Variants in ANK2 observed in about 807,000 individuals in gnomAD.
ANK2 encodes ankyrin-2.
Under a neutral mutation model 360.5 loss-of-function variants are expected in ANK2, and 83 were observed. That is an observed-to-expected ratio of 0.23 (90% CI 0.19 to 0.28). The LOEUF is 0.28. ANK2 is among the 10% of genes least tolerant of loss of function. ANK2 has a pLI of 1.00. For synonymous variants in ANK2, 1,740 were observed against 1,759.5 expected, an observed-to-expected ratio of 0.99 and a Z score of 0.28; for missense variants, 4,201 against 4,795.7, an observed-to-expected ratio of 0.88 and a Z score of 3.66.
intron 1 of ANK2, among the ~76,000 whole-genome samples, chr4:113,097,830 T>TAG: frequency 1.1e-5 from 1 of 94,270 alleles, no homozygotes; most frequent in South Asian, 3.4e-4. Flanking sequence ...AATTTTCCTC[T>TAG]TGTATATATA....
At chr4:113,148,625 GTAA>G (rs2096922827) in intron 1 of ANK2, among the ~76,000 whole-genome samples, 1 of 152,166 alleles carries the variant, frequency 6.6e-6, no homozygotes, top group African/African-American at 2.4e-5. Context: ...GACTCAAAAG[GTAA>G]TAAGTCAATC....
chr4:113,292,610 C>T (rs1587409470), intron 21 of ANK2, 96 bp downstream of exon 21: 3 of 1,296,386 alleles, frequency 2.3e-6, no homozygotes, highest in African/African-American at 1.5e-5. Flanking sequence ...CAGATTCCTC[C>T]TCTTTAAATA....
chr4:113,027,902 T>C (rs1334646428), intron 2 of ANK2, among the ~76,000 whole-genome samples: 3 of 152,170 alleles, frequency 2.0e-5, no homozygotes, highest in Admixed American at 2.0e-4. Flanking sequence ...TATCAGGTTA[T>C]GTAACATGGT....
At chr4:113,099,759 C>A (rs2092478753) in intron 1 of ANK2, among the ~76,000 whole-genome samples, 1 of 151,968 alleles carries the variant, frequency 6.6e-6, no homozygotes, top group Non-Finnish European at 1.5e-5. Flanking sequence ...CAGTGTGGTA[C>A]TGGTGAAAGA....
chr4:113,150,027 C>T (rs890935825), intron 1 of ANK2, among the ~76,000 whole-genome samples: 7 of 151,716 alleles, frequency 4.6e-5, no homozygotes, highest in Admixed American at 3.3e-4. Flanking sequence ...ACTGGCTGCA[C>T]GAGTGTTGAA....
At chr4:112,944,918 A>T (rs2094455989) in intron 2 of ANK2, among the ~76,000 whole-genome samples, 2 of 152,196 alleles carry the variant, frequency 1.3e-5, no homozygotes, top group African/African-American at 4.8e-5. Context: ...TGTCATATTG[A>T]CAGTTGACTT....
intron 4 of ANK2, among the ~76,000 whole-genome samples, chr4:113,228,545 A>G (rs1331340308): frequency 6.6e-6 from 1 of 152,212 alleles, no homozygotes. Flanking sequence ...GTATTAGTAC[A>G]TGGTATATAT....
chr4:112,746,282 C>T, the ANK2 span, among the ~76,000 whole-genome samples: 4 of 151,958 alleles, frequency 2.6e-5, no homozygotes, highest in Admixed American at 2.0e-4. Context: ...TGTTTAATTT[C>T]TATTAAAACT....
At chr4:112,923,313 G>C (rs2091951928) in intron 2 of ANK2, among the ~76,000 whole-genome samples, 1 of 152,060 alleles carries the variant, frequency 6.6e-6, no homozygotes, top group African/African-American at 2.4e-5. Flanking sequence ...AAATATAATG[G>C]TAAAACATTT....
At chr4:113,332,195 A>G in intron 28 of ANK2, 125 bp downstream of exon 28, 4 of 887,128 alleles carry the variant, frequency 4.5e-6, no homozygotes, top group East Asian at 2.5e-5. Context: ...TAAATTCTGT[A>G]TAACCTATCT....
intron 2 of ANK2, among the ~76,000 whole-genome samples, chr4:112,911,278 C>T (rs938925392): frequency 2.3e-4 from 33 of 140,542 alleles, no homozygotes; most frequent in African/African-American, 7.3e-4. Flanking sequence ...GAGGCCGAGG[C>T]GGGCGGATCA....
chr4:112,839,612 A>AAAACT (rs2061679674), intron 1 of ANK2, among the ~76,000 whole-genome samples: 1 of 152,238 alleles, frequency 6.6e-6, no homozygotes, highest in Non-Finnish European at 1.5e-5. Context: ...TGGAGCATCA[A>AAAACT]AAACTATCAC....
At chr4:112,739,152 G>A in the ANK2 span, 2 of 378,202 alleles carry the variant, frequency 5.3e-6, no homozygotes, top group Admixed American at 3.9e-5. Context: ...CGTAAAAACT[G>A]CCAAGAACAC....
intron 2 of ANK2, among the ~76,000 whole-genome samples, chr4:113,185,633 G>A (rs7682245): frequency 0.44 from 67,388 of 151,916 alleles, 15,693 homozygotes; most frequent in African/African-American, 0.59. Context: ...TGAACAGATT[G>A]CAAATTATTT....
At chr4:112,842,740 G>A (rs1204181204) in intron 1 of ANK2, among the ~76,000 whole-genome samples, 9 of 152,214 alleles carry the variant, frequency 5.9e-5, no homozygotes, top group Non-Finnish European at 1.0e-4. Context: ...TTCCTGTTGG[G>A]CCGCAGACTG....
chr4:112,815,668 G>C (rs1483704310), upstream of ANK2, among the ~76,000 whole-genome samples: 1 of 152,138 alleles, frequency 6.6e-6, no homozygotes, highest in Non-Finnish European at 1.5e-5. Flanking sequence ...TAGAGGGGAG[G>C]GGGGCTGAAA....
At chr4:113,229,057 A>C (rs774367474) in intron 4 of ANK2, among the ~76,000 whole-genome samples, 6 of 152,198 alleles carry the variant, frequency 3.9e-5, no homozygotes, top group Non-Finnish European at 8.8e-5. Context: ...GGACACACCA[A>C]CCTGCACATA....
chr4:112,968,903 C>A (rs557260457), intron 2 of ANK2, among the ~76,000 whole-genome samples: 1 of 152,228 alleles, frequency 6.6e-6, no homozygotes, highest in East Asian at 1.9e-4. Flanking sequence ...GAAACAAGGT[C>A]TTTTTGTGTC....
At chr4:112,813,436 A>G (rs1169712156), upstream of ANK2, among the ~76,000 whole-genome samples, 1 of 152,150 alleles carries the variant, frequency 6.6e-6, no homozygotes, top group Non-Finnish European at 1.5e-5. Context: ...ATCAATGTGG[A>G]CAAGCAATTC....
Sources: gnomAD v4.1 joint callset for allele counts (sites outside exome capture counted in the v4.1 genomes callset) on GRCh38, gnomAD v4.1.1 for gene constraint, MANE v1.5 for transcripts, NCBI Gene and HGNC (gene_info 2026-07-23, HGNC 2026-07-21) for gene names.